SLC45A4: variants seen among roughly 807,000 people sequenced by gnomAD.
The protein encoded by SLC45A4 is solute carrier family 45 member 4.
SLC45A4 carries 32 observed loss-of-function variants against 63.7 expected under a neutral mutation model. The observed-to-expected ratio is 0.50, with a 90% confidence interval of 0.38 to 0.67. The LOEUF (loss-of-function observed/expected upper bound fraction) is 0.67. SLC45A4 is among the 30% of genes least tolerant of loss of function. The probability of loss-of-function intolerance (pLI) is 0.00; values close to 1 mark genes in which losing one functional copy is unlikely to be tolerated. For missense variants in SLC45A4, 1,027 were observed against 1,157.7 expected, an observed-to-expected ratio of 0.89 and a Z score of 1.64; for synonymous variants, 535 against 510.0, an observed-to-expected ratio of 1.05 and a Z score of -0.66.
At position 141,256,636 on chromosome 8, in the gene SLC45A4, A is replaced by G; in HGVS notation, c.-400-2007T>C. The G allele has an allele frequency of 2.2e-6, 1 of 456,246 alleles. No individual in the cohort carries two copies. Among genetic ancestry groups the G allele is most frequent in the Non-Finnish European group, 4.4e-6 (1 of 226,946 alleles). 28.3% of individuals were successfully genotyped at this position (456,246 alleles called of 1,614,324 possible). A position where few individuals can be genotyped will look rare whatever the true frequency, so the allele number is the denominator to read the frequency against. Reference sequence around the variant, plus strand: ...CATCTTCTTTCACGCTGCAGCGGAAACCAGAATGCCTACTAATTCCTTAAG... The same window carrying G: ...CATCTTCTTTCACGCTGCAGCGGAAGCCAGAATGCCTACTAATTCCTTAAG... On this transcript the variant is annotated intron_variant, in intron 1 of 8. Coordinates refer to ENST00000517878, the MANE Select transcript of SLC45A4 (RefSeq NM_001286646.2). The surrounding 1 kb of genome is among the most constrained non-coding windows in gnomAD (Gnocchi z 4.3).
At chr8:141,252,218 GA>G (rs1234410297) in intron 2 of SLC45A4, 2 of 151,994 alleles carry the variant, frequency 1.3e-5, no homozygotes, top group Non-Finnish European at 2.9e-5. Context: ...AGGTCATAAA[GA>G]AAATAAACAT....
rs530117053 is a variant in SLC45A4 at position 141,241,772 on chromosome 8, A to G, written c.241+12217T>C. ...CCTTTCCTCCCAGGCCTGGGAGCCC[A>G]GCAATCCCCCCAGCACTAGGAGGGA... On this transcript the variant is annotated intron_variant, in intron 2 of 8. Coordinates refer to ENST00000517878, the MANE Select transcript of SLC45A4 (RefSeq NM_001286646.2). Among the ~76,000 whole-genome samples the G allele has an allele frequency of 2.0e-5, 3 of 152,206 alleles. No individual in the cohort carries two copies. In the South Asian group the frequency reaches 6.2e-4, roughly 32 times the overall value.
chr8:141,225,293 G>A (rs974031939), intron 2 of SLC45A4: 1 of 152,300 alleles, frequency 6.6e-6, no homozygotes, highest in East Asian at 1.9e-4. Context: ...TATTTAACAC[G>A]AGGGTTTGAA....
At chr8:141,296,993 TGAGA>T (rs1330989510) in intron 1 of SLC45A4, among the ~76,000 whole-genome samples, 2 of 151,998 alleles carry the variant, frequency 1.3e-5, no homozygotes, top group South Asian at 2.1e-4. Context: ...CTCCAGAACT[TGAGA>T]AAGAAATCTT....
At chr8:141,279,395 G>A (rs1483536777) in intron 1 of SLC45A4, among the ~76,000 whole-genome samples, 1 of 152,252 alleles carries the variant, frequency 6.6e-6, no homozygotes, top group Non-Finnish European at 1.5e-5. Flanking sequence ...GGCTAAGAGT[G>A]TCATTTTCCT....
At chr8:141,255,394 T>G (rs1164434323) in intron 1 of SLC45A4, among the ~76,000 whole-genome samples, 1 of 152,136 alleles carries the variant, frequency 6.6e-6, no homozygotes, top group Admixed American at 6.5e-5. Flanking sequence ...AGGGAAACTG[T>G]AGACCCTGCC....
intron 1 of SLC45A4, among the ~76,000 whole-genome samples, chr8:141,282,469 C>T (rs570517525): frequency 1.2e-4 from 19 of 152,230 alleles, no homozygotes; most frequent in Non-Finnish European, 2.6e-4. Context: ...CTGTCTCCAT[C>T]GCTGCCCTCC....
At chr8:141,263,930 T>C (rs1829152681) in intron 1 of SLC45A4, among the ~76,000 whole-genome samples, 1 of 152,058 alleles carries the variant, frequency 6.6e-6, no homozygotes, top group African/African-American at 2.4e-5. Context: ...GAGAAGGCCA[T>C]GGTGACCCGG....
At chr8:141,272,193 C>T (rs1829566168) in intron 1 of SLC45A4, among the ~76,000 whole-genome samples, 1 of 152,260 alleles carries the variant, frequency 6.6e-6, no homozygotes, top group African/African-American at 2.4e-5. Flanking sequence ...AATGCAATCT[C>T]CCTGGTTGCC....
At chr8:141,286,596 A>G (rs535297757) in intron 1 of SLC45A4, among the ~76,000 whole-genome samples, 1 of 152,102 alleles carries the variant, frequency 6.6e-6, no homozygotes, top group Admixed American at 6.5e-5. Context: ...TCTGCATTTG[A>G]CCCTGCTTCC....
chr8:141,247,391 G>C (rs1419273709), intron 2 of SLC45A4, among the ~76,000 whole-genome samples: 4 of 152,146 alleles, frequency 2.6e-5, no homozygotes, highest in Non-Finnish European at 5.9e-5. Context: ...ACATTCCTAG[G>C]AGAAATTAAA....
intron 1 of SLC45A4, among the ~76,000 whole-genome samples, chr8:141,293,372 C>T (rs1321822554): frequency 6.6e-6 from 1 of 151,954 alleles, no homozygotes. Context: ...GAGAATCACT[C>T]AAACCCAGTA....
chr8:141,221,157 CTA>C (rs1347637710), intron 3 of SLC45A4, among the ~76,000 whole-genome samples: 2 of 152,236 alleles, frequency 1.3e-5, no homozygotes, highest in African/African-American at 4.8e-5. Flanking sequence ...AAGGCAAAAA[CTA>C]TTTTCCCACA....
At position 141,271,996 on chromosome 8, in the gene SLC45A4, G is replaced by T. The variant is rs529192154; in HGVS notation, c.-400-17367C>A. Reference sequence around the variant, plus strand: ...TGCGTACACACATGCACCCATACACGTGTGCATGCAACACACACCTGCGTA... The same window carrying T: ...TGCGTACACACATGCACCCATACACTTGTGCATGCAACACACACCTGCGTA... On this transcript the variant is annotated intron_variant, in intron 1 of 8. Coordinates refer to ENST00000517878, the MANE Select transcript of SLC45A4 (RefSeq NM_001286646.2). Among the ~76,000 whole-genome samples the T allele has an allele frequency of 3.8e-3, 574 of 150,738 alleles. 8 individuals are homozygous for T. The highest frequency in any genetic ancestry group is 0.013 in the African/African-American group (548 of 40,910).
intron 1 of SLC45A4, among the ~76,000 whole-genome samples, chr8:141,292,508 A>G (rs1830387333): frequency 6.6e-6 from 1 of 152,214 alleles, no homozygotes; most frequent in African/African-American, 2.4e-5. Flanking sequence ...CCTCCTCGGA[A>G]GGCTGCGGCC....
intron 2 of SLC45A4, among the ~76,000 whole-genome samples, chr8:141,230,858 T>C (rs1348419412): frequency 1.3e-5 from 2 of 152,166 alleles, no homozygotes; most frequent in African/African-American, 4.8e-5. Context: ...ATTGGGAACG[T>C]GGCACTGATG....
chr8:141,251,065 C>T (rs1194175731), intron 2 of SLC45A4, among the ~76,000 whole-genome samples: 4 of 152,088 alleles, frequency 2.6e-5, no homozygotes, highest in Non-Finnish European at 2.9e-5. Flanking sequence ...TCTCAGGAAC[C>T]GGAGGTTCTA....
rs1325918113 is a variant in SLC45A4, at chr8:141,219,044, G to A, written c.611-15C>T. The A allele has an allele frequency of 1.4e-5, 23 of 1,599,424 alleles. No individual in the cohort carries two copies. Among genetic ancestry groups the A allele is most frequent in the African/African-American group, 2.7e-5 (2 of 74,678 alleles). On this transcript the variant is annotated splice_polypyrimidine_tract_variant and intron_variant, in intron 4 of 8. Coordinates refer to ENST00000517878, the MANE Select transcript of SLC45A4 (RefSeq NM_001286646.2). Reference sequence around the variant, plus strand: ...TCCGCCGAGGCCTGCGTGGGAGGAAGCAGCAGCCGGTGAGCCGGTGGCACC... The same window carrying A: ...TCCGCCGAGGCCTGCGTGGGAGGAAACAGCAGCCGGTGAGCCGGTGGCACC...
At chr8:141,249,872 A>C (rs1828385512) in intron 2 of SLC45A4, among the ~76,000 whole-genome samples, 1 of 152,214 alleles carries the variant, frequency 6.6e-6, no homozygotes, top group African/African-American at 2.4e-5. Context: ...CACGTCTAAG[A>C]ACAAACTCAT....
Sources: allele counts gnomAD v4.1 joint callset (sites outside exome capture counted in the v4.1 genomes callset), GRCh38; gene constraint gnomAD v4.1.1; non-coding constraint Gnocchi (gnomAD v3.1); transcripts MANE v1.5; gene names NCBI Gene and HGNC (gene_info 2026-07-23, HGNC 2026-07-21).